Variants in ADGRG4 observed in about 807,000 individuals in gnomAD.
ADGRG4 encodes adhesion G protein-coupled receptor G4, also known as G protein-coupled receptor 112.
ADGRG4 carries 122 observed loss-of-function variants against 126.2 expected under a neutral mutation model. The observed-to-expected ratio is 0.97, with a 90% CI of 0.83 to 1.12. ADGRG4 has a LOEUF of 1.12. Among genes scored for constraint, ADGRG4 ranks in the 50% most tolerant of loss-of-function variants. ADGRG4 has a pLI of 0.00. For synonymous variants in ADGRG4, 943 were observed against 838.7 expected (o/e 1.12, Z -2.15); for missense variants, 2,481 against 2,251.8 (o/e 1.10, Z -2.06).
Position 136,347,481 on chromosome X carries a change from G to T in ADGRG4, c.3775G>T (p.Asp1259Tyr). The T allele has an allele frequency of 8.3e-7, 1 of 1,208,191 alleles. No homozygotes were observed. The highest frequency in any genetic ancestry group is 1.1e-6 in the Non-Finnish European group (1 of 892,552). ...CACCTCTGTCTTATCTTCCGACAAA[G>T]ACCAGATGACCATATCCCTGGGAAA... is the stretch of plus-strand genomic sequence containing the variant. ...TSTSVLSSDK[D>Y]QMTISLGKTP... Residue 1259 changes from aspartate (D) to tyrosine (Y), a missense_variant, in exon 6 of 26, where the codon GAC becomes TAC. Physicochemically the swap from Asp to Tyr is radical, Grantham distance 160. Coordinates refer to ENST00000394143, the MANE Select transcript of ADGRG4 (RefSeq NM_153834.4).
intron 1 of ADGRG4, among the ~76,000 whole-genome samples, chrX:136,302,052 C>T (rs2074704004): frequency 8.9e-6 from 1 of 112,077 alleles, no homozygotes; most frequent in South Asian, 3.7e-4. Flanking sequence ...TTAGGATTGA[C>T]TTGGCAATGT....
intron 12 of ADGRG4, among the ~76,000 whole-genome samples, chrX:136,362,975 A>C (rs1384256867): frequency 9.0e-6 from 1 of 111,387 alleles, no homozygotes; most frequent in Non-Finnish European, 1.9e-5. Context: ...GTGCTCAATA[A>C]ATGTGTTAGC....
chrX:136,359,389 G>A lies in ADGRG4; in HGVS notation c.7078G>A (p.Gly2360Arg). Residue 2360 changes from glycine to arginine, a missense_variant, in exon 11 of 26, where the codon GGA becomes AGA. Coordinates refer to ENST00000394143, the MANE Select transcript of ADGRG4 (RefSeq NM_153834.4). ...TAAAATACATGGCAACTTCACACATGGAAACTTCACACAAGATCAATTGAC... is the reference window on the plus strand; with the variant it reads ...TAAAATACATGGCAACTTCACACATAGAAACTTCACACAAGATCAATTGAC... ...KSKIHGNFTH[G>R]NFTQDQLTLL... 1.7e-6 allele frequency: 2 copies of A among 1,207,872 alleles called. No individual in the cohort carries two copies. Among genetic ancestry groups the A allele is most frequent in the Non-Finnish European group, 2.2e-6 (2 of 892,678 alleles).
At chrX:136,388,154 A>G (rs1385979817) in intron 16 of ADGRG4, among the ~76,000 whole-genome samples, 3 of 112,353 alleles carry the variant, frequency 2.7e-5, no homozygotes, top group Non-Finnish European at 5.6e-5. Flanking sequence ...AAAAAAGAAC[A>G]GCGAGTTCTC....
In ADGRG4 at chrX:136,345,881, A is replaced by G; in HGVS notation, c.2175A>G (p.Thr725=). 8.3e-7 allele frequency: 1 copy of G among 1,209,613 alleles called. No homozygotes were observed. The highest frequency in any genetic ancestry group is 1.8e-5 in the South Asian group (1 of 56,935). The change falls in exon 6 of 26, where the codon ACA becomes ACG. Residue 725 remains threonine (T), a synonymous_variant. Coordinates refer to ENST00000394143, the MANE Select transcript of ADGRG4 (RefSeq NM_153834.4). ...ATGATGCTACTACAGCCAGATATAC[A>G]ACAGCTGTATCCAAATTGACATCAC... ...TANDATTARY[T]TAVSKLTSPW...
At chrX:136,365,307 G>A (rs749212888) in intron 13 of ADGRG4, among the ~76,000 whole-genome samples, 10 of 111,070 alleles carry the variant, frequency 9.0e-5, no homozygotes, top group Non-Finnish European at 1.9e-4. Context: ...CCAGCTCCTG[G>A]CAACCACTAA....
chrX:136,374,260 T>G (rs937033707), intron 15 of ADGRG4, among the ~76,000 whole-genome samples: 5 of 110,499 alleles, frequency 4.5e-5, no homozygotes, highest in Non-Finnish European at 1.9e-5. Context: ...AGATTCCTTG[T>G]CTGTTCTCCT....
chrX:136,334,866 A>G (rs1467787210), intron 5 of ADGRG4, among the ~76,000 whole-genome samples: 1 of 111,665 alleles, frequency 9.0e-6, no homozygotes, highest in Non-Finnish European at 1.9e-5. Flanking sequence ...CATAATCTGC[A>G]ATGCCTTAAA....
chrX:136,409,192 C>T, intron 23 of ADGRG4, among the ~76,000 whole-genome samples: 1 of 111,332 alleles, frequency 9.0e-6, no homozygotes, highest in Admixed American at 9.5e-5. Context: ...ATGGGGGCGA[C>T]CTGTGGTCAA....
intron 8 of ADGRG4, 152 bp from the exon 9 acceptor site, chrX:136,355,974 G>C: frequency 2.9e-6 from 1 of 341,987 alleles, no homozygotes; most frequent in South Asian, 1.3e-4. Context: ...AAGCCCATTG[G>C]AAGCATTCCT....
chrX:136,378,147 T>C (rs1723505945), intron 15 of ADGRG4, among the ~76,000 whole-genome samples: 1 of 111,373 alleles, frequency 9.0e-6, no homozygotes, highest in South Asian at 3.7e-4. Flanking sequence ...CTCTGAGCAA[T>C]GTTTTGTAGT....
At position 136,349,782 on chromosome X, in the gene ADGRG4, G is replaced by A; in HGVS notation, c.6076G>A (p.Ala2026Thr). ...CTCCCCTCCGGCAACTGTATCTAATGCCCCTCATGTTATGACTTCCTCTAC... is the reference window on the plus strand; with the variant it reads ...CTCCCCTCCGGCAACTGTATCTAATACCCCTCATGTTATGACTTCCTCTAC... Reference protein sequence around the residue: ...SGSPPATVSNAPHVMTSSTVE... With the variant: ...SGSPPATVSNTPHVMTSSTVE... Residue 2026 changes from alanine to threonine, a missense_variant, in exon 6 of 26, where the codon GCC (alanine) becomes ACC (threonine). By Grantham distance (58) the Ala-to-Thr change is moderately conservative. Coordinates refer to ENST00000394143, the MANE Select transcript of ADGRG4 (RefSeq NM_153834.4). 1 of 1,209,946 alleles carries A rather than the reference G, an allele frequency of 8.3e-7. No individual in the cohort carries two copies. Among genetic ancestry groups the A allele is most frequent in the Non-Finnish European group, 1.1e-6 (1 of 894,743 alleles).
intron 5 of ADGRG4, among the ~76,000 whole-genome samples, chrX:136,324,247 C>G (rs1305637730): frequency 8.9e-6 from 1 of 111,788 alleles, no homozygotes; most frequent in Non-Finnish European, 1.9e-5. Context: ...CTATCCCCTT[C>G]TTACCATACT....
intron 5 of ADGRG4, among the ~76,000 whole-genome samples, chrX:136,323,936 A>G (rs917444743): frequency 1.8e-5 from 2 of 111,786 alleles, no homozygotes; most frequent in African/African-American, 6.5e-5. Flanking sequence ...TTTGTCTTTC[A>G]TGACCTAGAC....
chrX:136,322,320 T>G (rs1036114302), intron 4 of ADGRG4, among the ~76,000 whole-genome samples: 30 of 112,009 alleles, frequency 2.7e-4, no homozygotes, highest in Admixed American at 2.3e-3. Flanking sequence ...GGAAAAGGCA[T>G]TGGAGAAACA....
intron 5 of ADGRG4, among the ~76,000 whole-genome samples, chrX:136,343,970 G>A (rs2074995034): frequency 9.0e-6 from 1 of 111,470 alleles, no homozygotes; most frequent in Non-Finnish European, 1.9e-5. Context: ...TTTCTTTTTG[G>A]AATATTTTAA....
Position 136,348,837 on chromosome X carries a change from G to A in ADGRG4, c.5131G>A (p.Glu1711Lys), listed in dbSNP as rs749170893. Residue 1711 changes from glutamate (E) to lysine (K), a missense_variant, in exon 6 of 26, where the codon GAG (glutamate) becomes AAG (lysine). By Grantham distance (56) the Glu-to-Lys change is moderately conservative. Coordinates refer to ENST00000394143, the MANE Select transcript of ADGRG4 (RefSeq NM_153834.4). ...SATQQSSQADEATTLGILSGI... is the reference protein window; with the variant it reads ...SATQQSSQADKATTLGILSGI... ...AACTCAACAGTCATCACAAGCAGATGAGGCTACAACTTTGGGCATATTATC... is the reference window on the plus strand; with the variant it reads ...AACTCAACAGTCATCACAAGCAGATAAGGCTACAACTTTGGGCATATTATC... 7 of 1,209,659 alleles carry A rather than the reference G, an allele frequency of 5.8e-6. No homozygotes were observed. The South Asian group carries it at 1.1e-4, about 18-fold the overall frequency.
chrX:136,405,308 C>CG (rs35934424), intron 22 of ADGRG4, among the ~76,000 whole-genome samples: 53 of 57,044 alleles, frequency 9.3e-4, no homozygotes, highest in Middle Eastern at 6.8e-3. Context: ...AAGGTGGTGG[C>CG]GGGGGGGCAG....
rs770696257 is a variant in ADGRG4, at chrX:136,349,169, T to A, written c.5463T>A (p.Pro1821=). 1.7e-6 allele frequency: 2 copies of A among 1,200,810 alleles called. No individual in the cohort carries two copies. Among genetic ancestry groups the A allele is most frequent in the African/African-American group, 3.5e-5 (2 of 56,870 alleles). ...ATSLNTPVSY[P]PWTPSSATLP... ...CTTTGAATACCCCTGTTTCATACCC[T>A]CCATGGACCCCATCCAGTGCAACTC... The change falls in exon 6 of 26, where the codon CCT becomes CCA. Residue 1821 remains proline (P), a synonymous_variant. Transcript: ENST00000394143.
Sources: allele counts gnomAD v4.1 joint callset (sites outside exome capture counted in the v4.1 genomes callset), GRCh38; gene constraint gnomAD v4.1.1; transcripts MANE v1.5; gene names NCBI Gene and HGNC (gene_info 2026-07-23, HGNC 2026-07-21).